The following MAPK10 variants were observed in gnomAD, a reference collection of about 807,000 sequenced individuals.
The protein encoded by MAPK10 is mitogen-activated protein kinase 10.
A neutral mutation model predicts 59.3 loss-of-function variants in MAPK10; 25 were observed. The ratio of observed to expected loss-of-function variants is 0.42; its 90% CI spans 0.31 to 0.59. The LOEUF is 0.59. MAPK10 is among the 20% of genes least tolerant of loss of function. MAPK10 has a pLI of 0.15. For synonymous variants in MAPK10, 190 were observed against 200.5 expected (o/e 0.95, Z 0.44); for missense variants, 351 against 568.9 (o/e 0.62, Z 3.90).
intron 8 of MAPK10, chr4:86,100,323 C>T (rs1157733448): frequency 6.6e-6 from 1 of 152,016 alleles, no homozygotes; most frequent in Non-Finnish European, 1.5e-5. Context: ...TTAATAAATC[C>T]TTAGTTTTAA....
intron 8 of MAPK10, 42 bp downstream of exon 8, chr4:86,101,010 T>C (rs1364286379): frequency 6.3e-7 from 1 of 1,584,690 alleles, no homozygotes; most frequent in Non-Finnish European, 8.7e-7. Flanking sequence ...GTGCACCCGT[T>C]TCATTCATGG....
chr4:86,309,890 T>G (rs1312318454), intron 2 of MAPK10, among the ~76,000 whole-genome samples: 1 of 152,190 alleles, frequency 6.6e-6, no homozygotes, highest in Non-Finnish European at 1.5e-5. Context: ...ACCACTATCC[T>G]TTGAACTGTT....
At chr4:86,414,378 C>T (rs892524439) in intron 1 of MAPK10, among the ~76,000 whole-genome samples, 5 of 152,060 alleles carry the variant, frequency 3.3e-5, no homozygotes, top group African/African-American at 4.8e-5. Context: ...CATTGGGGCA[C>T]GTGTGATCTA....
rs574531551 is a variant in MAPK10, at chr4:86,472,963, G to C, written c.-262-118319C>G. The stretch of plus-strand genomic sequence containing the variant: ...CTCAGGCCTGCTCCCACAGTGTGGA[G>C]TGTACTTTCATTTTCAATAGAACCT... On this transcript the variant is annotated intron_variant, in intron 1 of 4. Coordinates refer to the MAPK10 transcript ENST00000502302. Among the ~76,000 whole-genome samples, 4 of 152,286 alleles carry C rather than the reference G, an allele frequency of 2.6e-5. No homozygotes were observed. In the South Asian group the frequency reaches 6.2e-4, roughly 24 times the overall value.
At chr4:86,241,510 G>C (rs1344873837) in intron 2 of MAPK10, among the ~76,000 whole-genome samples, 3 of 151,910 alleles carry the variant, frequency 2.0e-5, no homozygotes, top group Non-Finnish European at 2.9e-5. Context: ...ATATTTCTTG[G>C]AGGCTTTGTT....
At chr4:86,257,359 A>G (rs1489622867) in intron 2 of MAPK10, among the ~76,000 whole-genome samples, 1 of 152,212 alleles carries the variant, frequency 6.6e-6, no homozygotes, top group Non-Finnish European at 1.5e-5. Context: ...AATAAAAAGG[A>G]TGAATACTGA....
chr4:86,387,566 TTAACTCTTAATAGC>T (rs1348432614), intron 1 of MAPK10, among the ~76,000 whole-genome samples: 3 of 152,212 alleles, frequency 2.0e-5, no homozygotes, highest in African/African-American at 7.2e-5. Flanking sequence ...CCCTGACCAC[TTAACTCTTAATAGC>T]TGACGCTGCC....
rs981953032 is a variant in MAPK10 at position 86,014,334 on chromosome 4, GTGTGTGTGTGT to G, written c.*2883_*2893del. ...TGTGTGTGTGTGTGTGTGTGTGTGT[GTGTGTGTGTGT>G]TAAGACAGACAAGTGAATGCAGAAC... On this transcript the variant is annotated 3_prime_UTR_variant, in exon 14 of 14. Transcript: ENST00000641462. The G allele has an allele frequency of 2.2e-5, 3 of 134,714 alleles. No homozygotes were observed. Among genetic ancestry groups the G allele is most frequent in the African/African-American group, 8.8e-5 (3 of 33,994 alleles). The allele number at this position is 134,714 out of a possible 1,614,324, so 8.3% of individuals were successfully genotyped here.
intron 5 of MAPK10, 34 bp from the exon 6 acceptor site, chr4:86,103,278 A>G: frequency 9.3e-7 from 1 of 1,069,782 alleles, no homozygotes; most frequent in East Asian, 2.4e-5. Context: ...AGGAAACGAG[A>G]GAAAGAAAAA....
Position 86,189,427 on chromosome 4 carries a change from A to G in MAPK10, c.66+4909T>C, listed in dbSNP as rs2079107921. 2.0e-5 allele frequency among the ~76,000 whole-genome samples: 3 copies of G among 151,946 alleles called. No homozygotes were observed. The South Asian group carries it at 6.2e-4, about 32-fold the overall frequency. ...ATTTGTGTCCTCTCTTATTTCCTTC[A>G]GCCATGTTTTGTAGTTCTCCTTGAA... On this transcript the variant is annotated intron_variant, in intron 3 of 13. Coordinates refer to ENST00000641462, the MANE Select transcript of MAPK10 (RefSeq NM_138982.4).
At chr4:86,572,599 G>A (rs1437932523) in intron 1 of MAPK10, among the ~76,000 whole-genome samples, 2 of 152,114 alleles carry the variant, frequency 1.3e-5, no homozygotes, top group Admixed American at 6.6e-5. Context: ...TACAGGTTTC[G>A]AGACAAAATT....
intron 3 of MAPK10, among the ~76,000 whole-genome samples, chr4:86,168,212 AG>A (rs753908280): frequency 1.3e-5 from 2 of 152,214 alleles, no homozygotes; most frequent in Non-Finnish European, 2.9e-5. Context: ...CAGTGGGTGC[AG>A]GACAGTGGGT....
chr4:86,022,885 A>G (rs1360094008), intron 13 of MAPK10, among the ~76,000 whole-genome samples: 1 of 152,154 alleles, frequency 6.6e-6, no homozygotes, highest in Non-Finnish European at 1.5e-5. Flanking sequence ...CCTCTATGCT[A>G]TGGTTTATCT....
intron 9 of MAPK10, among the ~76,000 whole-genome samples, chr4:86,093,731 C>T (rs113846154): frequency 1.3e-5 from 2 of 151,974 alleles, no homozygotes; most frequent in African/African-American, 4.8e-5. Flanking sequence ...ATTAAACTTG[C>T]TTTTATTTCT....
At chr4:86,248,787 G>T (rs1463317313) in intron 2 of MAPK10, among the ~76,000 whole-genome samples, 1 of 152,260 alleles carries the variant, frequency 6.6e-6, no homozygotes, top group East Asian at 1.9e-4. Flanking sequence ...ACACCAAAGA[G>T]CAGTAATATC....
chr4:86,016,259 G>A lies in MAPK10; in HGVS notation c.*969C>T, dbSNP rs1209422713. On this transcript the variant is annotated 3_prime_UTR_variant, in exon 14 of 14. Coordinates refer to ENST00000641462, the MANE Select transcript of MAPK10 (RefSeq NM_138982.4). Reference sequence around the variant, plus strand: ...GGTATAGAGCCAAATCTCTAAAACAGGGACACCAGTGTCTCCTAGTATCTG... The same window carrying A: ...GGTATAGAGCCAAATCTCTAAAACAAGGACACCAGTGTCTCCTAGTATCTG... 1 of 152,176 alleles carries A rather than the reference G, an allele frequency of 6.6e-6. No homozygotes were observed. Among genetic ancestry groups the A allele is most frequent in the African/African-American group, 2.4e-5 (1 of 41,436 alleles). The allele number at this position is 152,176 out of a possible 1,614,324, so 9.4% of individuals were successfully genotyped here.
At position 86,543,776 on chromosome 4, in the gene MAPK10, G is replaced by T. The variant is rs146821703; in HGVS notation, c.-263+50134C>A. ...GTCAAGCTGGGTCCAAAAAAAACAG[G>T]AACGGGAATGTTTCAAGAAGGGATC... On this transcript the variant is annotated intron_variant, in intron 1 of 4. Transcript: ENST00000502302. 1.1e-3 allele frequency among the ~76,000 whole-genome samples: 162 copies of T among 152,220 alleles called. 1 individual carries two copies. Among genetic ancestry groups the T allele is most frequent in the Admixed American group, 5.6e-3 (86 of 15,278 alleles).
At chr4:86,368,749 T>C (rs539942824) in intron 1 of MAPK10, among the ~76,000 whole-genome samples, 35 of 152,290 alleles carry the variant, frequency 2.3e-4, no homozygotes, top group African/African-American at 6.3e-4. Flanking sequence ...ATAAAAACAG[T>C]TCCACACAAC....
At chr4:86,182,292 T>G (rs1258182183) in intron 3 of MAPK10, among the ~76,000 whole-genome samples, 2 of 152,146 alleles carry the variant, frequency 1.3e-5, no homozygotes, top group Non-Finnish European at 2.9e-5. Context: ...TAAAAACTAT[T>G]AAAGATAATG....
Sources: allele counts gnomAD v4.1 joint callset (sites outside exome capture counted in the v4.1 genomes callset), GRCh38; gene constraint gnomAD v4.1.1; transcripts MANE v1.5; gene names NCBI Gene and HGNC (gene_info 2026-07-23, HGNC 2026-07-21).